STXBP5L: variants seen among roughly 807,000 people sequenced by gnomAD.
STXBP5L encodes the protein syntaxin binding protein 5L, also known as syntaxin-binding protein 5-like.
STXBP5L carries 65 observed loss-of-function variants against 144.5 expected under a neutral mutation model. That is an observed-to-expected ratio of 0.45 (90% confidence interval 0.37 to 0.55). The LOEUF (loss-of-function observed/expected upper bound fraction) is 0.55. STXBP5L is among the 20% of genes least tolerant of loss of function. STXBP5L has a pLI of 0.00. For missense variants in STXBP5L, 1,298 were observed against 1,405.5 expected (o/e 0.92, Z 1.22); for synonymous variants, 505 against 469.6 (o/e 1.08, Z -0.97).
At chr3:121,264,267 A>AT (rs1019896272) in intron 18 of STXBP5L, among the ~76,000 whole-genome samples, 35 of 152,338 alleles carry the variant, frequency 2.3e-4, no homozygotes, top group African/African-American at 8.4e-4. Flanking sequence ...ATGCTGAGAG[A>AT]TTTTGTCCCC....
At chr3:121,142,270 T>G (rs1484368496) in intron 7 of STXBP5L, among the ~76,000 whole-genome samples, 7 of 151,940 alleles carry the variant, frequency 4.6e-5, no homozygotes, top group Non-Finnish European at 7.4e-5. Flanking sequence ...GCAAATATTG[T>G]CAGAACTGAA....
intron 2 of STXBP5L, among the ~76,000 whole-genome samples, chr3:120,917,951 A>C (rs1709184480): frequency 6.6e-6 from 1 of 152,228 alleles, no homozygotes; most frequent in African/African-American, 2.4e-5. Context: ...TGGAGGTCAG[A>C]AGTATGACAT....
At chr3:120,957,969 G>A (rs1456839635) in intron 3 of STXBP5L, among the ~76,000 whole-genome samples, 5 of 152,080 alleles carry the variant, frequency 3.3e-5, no homozygotes, top group African/African-American at 9.7e-5. Flanking sequence ...GAATCCAGGA[G>A]CTGGTTTTTT....
chr3:121,202,971 C>T (rs2048194979), intron 9 of STXBP5L, among the ~76,000 whole-genome samples: 1 of 151,470 alleles, frequency 6.6e-6, no homozygotes, highest in Non-Finnish European at 1.5e-5. Context: ...GTTTGTATTC[C>T]TTTCTTTCCT....
chr3:121,252,957 T>C (rs2050075206), intron 15 of STXBP5L, among the ~76,000 whole-genome samples: 1 of 152,196 alleles, frequency 6.6e-6, no homozygotes, highest in Admixed American at 6.5e-5. Context: ...GCTTCAAAGC[T>C]AGCAAGAGTG....
intron 22 of STXBP5L, among the ~76,000 whole-genome samples, chr3:121,403,493 T>C (rs1434159024): frequency 6.6e-6 from 1 of 152,150 alleles, no homozygotes; most frequent in Non-Finnish European, 1.5e-5. Context: ...TGTTTTTCTT[T>C]CTACTGAATC....
intron 7 of STXBP5L, among the ~76,000 whole-genome samples, chr3:121,149,812 T>C (rs1313950681): frequency 1.3e-5 from 2 of 152,084 alleles, no homozygotes; most frequent in Non-Finnish European, 2.9e-5. Context: ...TAAAAGGTGG[T>C]ATCCTTTGCT....
intron 3 of STXBP5L, among the ~76,000 whole-genome samples, chr3:120,977,364 C>T (rs145949225): frequency 0.018 from 2,752 of 152,248 alleles, 34 homozygotes; most frequent in South Asian, 0.036. Flanking sequence ...AGTAGGATTG[C>T]AACCCCTGCC....
intron 9 of STXBP5L, among the ~76,000 whole-genome samples, chr3:121,173,267 G>C (rs541808527): frequency 1.2e-4 from 18 of 151,570 alleles, no homozygotes; most frequent in African/African-American, 3.6e-4. Context: ...ACCATGGCAC[G>C]TGTATACTTA....
At position 121,105,395 on chromosome 3, in the gene STXBP5L, A is replaced by AAAAT. The variant is rs573583424; in HGVS notation, c.471-9506_471-9503dup. 9.1e-3 allele frequency among the ~76,000 whole-genome samples: 1,363 copies of AAAAT among 149,836 alleles called. 16 individuals are homozygous for AAAAT. The highest frequency in any genetic ancestry group is 0.027 in the African/African-American group (1,087 of 40,308). Reference sequence around the variant, plus strand: ...TGGCAACAGAGTGAGACTCTGTCTCAAAATAAATAAATAAATAAATAAATA... The same window carrying AAAAT: ...TGGCAACAGAGTGAGACTCTGTCTCAAAATAAATAAATAAATAAATAAATAAATA... On this transcript the variant is annotated intron_variant, in intron 5 of 26. Transcript: ENST00000471454.
At chr3:121,325,986 C>T (rs2044132382) in intron 20 of STXBP5L, among the ~76,000 whole-genome samples, 1 of 149,998 alleles carries the variant, frequency 6.7e-6, no homozygotes, top group Admixed American at 6.7e-5. Flanking sequence ...ATTTGGCCTC[C>T]TATTATGTCT....
chr3:120,953,556 T>C lies in STXBP5L; in HGVS notation c.190-1384T>C, dbSNP rs201893049. 4.0e-5 allele frequency among the ~76,000 whole-genome samples: 6 copies of C among 151,346 alleles called. No homozygotes were observed. The East Asian group carries it at 1.2e-3, about 29-fold the overall frequency. On this transcript the variant is annotated intron_variant, in intron 2 of 26. Coordinates refer to ENST00000471454, the MANE Select transcript of STXBP5L (RefSeq NM_001308330.2). ...TCTTGTAATATTGCCCAGGTTGGTT[T>C]TGAACTCCTGAACTCAAGCAATCCT...
chr3:120,973,503 T>A (rs909333765), intron 3 of STXBP5L, among the ~76,000 whole-genome samples: 4 of 152,202 alleles, frequency 2.6e-5, no homozygotes, highest in East Asian at 3.9e-4. Context: ...TATCATTTTC[T>A]AAAATATTTT....
chr3:121,239,072 T>C lies in STXBP5L; in HGVS notation c.1286T>C (p.Leu429Pro), dbSNP rs2049578472. Reference protein sequence around the residue: ...ADCPPDLILVLYSIGVKHKKQ... With the variant: ...ADCPPDLILVPYSIGVKHKKQ... ...TGTCCTCCGGATTTGATTCTAGTAC[T>C]GTATTCTATAGGAGTCAAGCATAAA... Residue 429 changes from leucine (L) to proline (P), a missense_variant, in exon 13 of 27, where the codon CTG (leucine) becomes CCG (proline). Leu to Pro is a moderately conservative substitution (Grantham distance 98, BLOSUM62 -3). Transcript: ENST00000471454. 1 of 1,607,944 alleles carries C rather than the reference T, an allele frequency of 6.2e-7. No individual in the cohort carries two copies. Among genetic ancestry groups the C allele is most frequent in the Non-Finnish European group, 8.5e-7 (1 of 1,177,196 alleles).
In STXBP5L at chr3:121,416,013, C is replaced by T. The variant is rs534320308; in HGVS notation, c.3226+45C>T. The T allele has an allele frequency of 7.5e-4, 1,120 of 1,484,218 alleles. 12 individuals carry two copies. The South Asian group carries it at 0.01, about 13-fold the overall frequency. The allele number at this position is 1,484,218 out of a possible 1,614,324, so 91.9% of individuals were successfully genotyped here. A position where few individuals can be genotyped will look rare whatever the true frequency, so the allele number is the denominator to read the frequency against. ...TAGAAATGTATTGCAAAATAGAAGA[C>T]GTTTCTGTGTATGTGTATTTGTGTG... On this transcript the variant is annotated intron_variant, in intron 25 of 26. Transcript: ENST00000471454.
chr3:121,185,042 A>G (rs1346402065), intron 9 of STXBP5L, among the ~76,000 whole-genome samples: 1 of 152,228 alleles, frequency 6.6e-6, no homozygotes, highest in Non-Finnish European at 1.5e-5. Flanking sequence ...CCTGCTTTAC[A>G]AGAGCTCCTG....
intron 7 of STXBP5L, among the ~76,000 whole-genome samples, chr3:121,144,582 G>A (rs1246348984): frequency 6.6e-6 from 1 of 151,868 alleles, no homozygotes; most frequent in South Asian, 2.1e-4. Context: ...ATTAAAAATA[G>A]AACTACCTAT....
At chr3:121,246,596 A>G (rs1322954665) in intron 14 of STXBP5L, among the ~76,000 whole-genome samples, 1 of 152,238 alleles carries the variant, frequency 6.6e-6, no homozygotes, top group Non-Finnish European at 1.5e-5. Context: ...AATAAAATTT[A>G]AAAATATCTA....
In STXBP5L at chr3:121,381,388, G is replaced by T. The variant is rs1291286753; in HGVS notation, c.2443G>T (p.Asp815Tyr). 2.5e-6 allele frequency: 4 copies of T among 1,611,058 alleles called. No individual in the cohort carries two copies. The highest frequency in any genetic ancestry group is 3.4e-6 in the Non-Finnish European group (4 of 1,178,908). The change falls in exon 22 of 27, where the codon GAC (aspartate) becomes TAC (tyrosine). Residue 815 changes from aspartate (D) to tyrosine (Y), a missense_variant. Asp to Tyr is a radical substitution (Grantham distance 160). Coordinates refer to ENST00000471454, the MANE Select transcript of STXBP5L (RefSeq NM_001308330.2). Reference sequence around the variant, plus strand: ...AGCAATTACAGCACTATACTTCATGGACTCCTTTGCACGGAAAAATGACTC... The same window carrying T: ...AGCAATTACAGCACTATACTTCATGTACTCCTTTGCACGGAAAAATGACTC... The part of the protein sequence containing the change: ...KEAITALYFM[D>Y]SFARKNDSTI...
Sources: gnomAD v4.1 joint callset for allele counts (sites outside exome capture counted in the v4.1 genomes callset) on GRCh38, gnomAD v4.1.1 for gene constraint, MANE v1.5 for transcripts, NCBI Gene and HGNC (gene_info 2026-07-23, HGNC 2026-07-21) for gene names.